Variants in CSMD1 observed in about 807,000 individuals in gnomAD.
CSMD1 encodes CUB and sushi domain-containing protein 1.
A neutral mutation model predicts 417.5 loss-of-function variants in CSMD1; 213 were observed. The ratio of observed to expected loss-of-function variants is 0.51; its 90% confidence interval spans 0.46 to 0.57. The LOEUF (loss-of-function observed/expected upper bound fraction) is 0.57. Among genes scored for constraint, CSMD1 ranks in the 20% least tolerant of loss-of-function variants. CSMD1 has a pLI of 0.00. For synonymous variants in CSMD1, 2,862 were observed against 1,736.8 expected (o/e 1.65, Z -16.11); for missense variants, 6,923 against 4,529.7 (o/e 1.53, Z -15.17).
At chr8:3,031,201 A>C (rs599269) in intron 50 of CSMD1, among the ~76,000 whole-genome samples, 34 of 151,700 alleles carry the variant, frequency 2.2e-4, no homozygotes, top group Admixed American at 6.6e-4. Context: ...TTCAAATAAA[A>C]TGCATTTAAT....
chr8:3,970,489 A>C (rs942973730), intron 5 of CSMD1, among the ~76,000 whole-genome samples: 12 of 152,192 alleles, frequency 7.9e-5, no homozygotes, highest in African/African-American at 2.7e-4. Context: ...AATTATGAGA[A>C]TGTTCACATT....
At chr8:4,635,048 C>T (rs752060712) in intron 2 of CSMD1, among the ~76,000 whole-genome samples, 4 of 152,106 alleles carry the variant, frequency 2.6e-5, no homozygotes, top group African/African-American at 7.2e-5. Context: ...AAGCAACATC[C>T]TAACTCTAAG....
At chr8:3,949,111 A>C (rs1431731254) in intron 5 of CSMD1, among the ~76,000 whole-genome samples, 1 of 152,224 alleles carries the variant, frequency 6.6e-6, no homozygotes, top group Non-Finnish European at 1.5e-5. Context: ...ATGATGTGCG[A>C]TATAATATTT....
At chr8:4,439,264 A>C (rs547711557) in intron 2 of CSMD1, among the ~76,000 whole-genome samples, 25 of 151,292 alleles carry the variant, frequency 1.7e-4, no homozygotes, top group African/African-American at 6.2e-4. Flanking sequence ...CAAATTAAAC[A>C]ACTACTAAAT....
chr8:3,434,220 G>A (rs1046334194), intron 12 of CSMD1, among the ~76,000 whole-genome samples: 1 of 152,128 alleles, frequency 6.6e-6, no homozygotes, highest in African/African-American at 2.4e-5. Context: ...CGTCCTTTCA[G>A]AATATTACCT....
chr8:4,945,211 T>C (rs4297055), intron 1 of CSMD1, among the ~76,000 whole-genome samples: 77,423 of 151,866 alleles, frequency 0.51, 20,956 homozygotes, highest in East Asian at 0.79. Flanking sequence ...TCCTTAGAGA[T>C]AGAAAGTAGA....
At chr8:4,803,508 C>G (rs1470610648) in intron 1 of CSMD1, among the ~76,000 whole-genome samples, 1 of 152,102 alleles carries the variant, frequency 6.6e-6, no homozygotes, top group Non-Finnish European at 1.5e-5. Context: ...GCCCGACATT[C>G]AACAGACCAG....
At chr8:3,882,498 C>T (rs995179183) in intron 5 of CSMD1, among the ~76,000 whole-genome samples, 1 of 152,002 alleles carries the variant, frequency 6.6e-6, no homozygotes, top group Admixed American at 6.5e-5. Context: ...CTATTAGACT[C>T]TCTCTGCCTC....
intron 3 of CSMD1, among the ~76,000 whole-genome samples, chr8:4,058,129 T>C (rs112314098): frequency 6.6e-6 from 1 of 152,148 alleles, no homozygotes; most frequent in African/African-American, 2.4e-5. Flanking sequence ...TTGGGCAGCA[T>C]GGCCATTTTC....
At chr8:4,628,843 T>G (rs746723300) in intron 2 of CSMD1, among the ~76,000 whole-genome samples, 1 of 152,132 alleles carries the variant, frequency 6.6e-6, no homozygotes. Context: ...GCTCCCACCA[T>G]CATCTAGAAA....
intron 3 of CSMD1, among the ~76,000 whole-genome samples, chr8:4,341,229 T>C (rs1800459136): frequency 6.6e-6 from 1 of 152,076 alleles, no homozygotes; most frequent in Non-Finnish European, 1.5e-5. Context: ...TACTAGCAAT[T>C]ACATAACTGT....
intron 10 of CSMD1, among the ~76,000 whole-genome samples, chr8:3,516,984 C>T (rs1463612942): frequency 6.6e-6 from 1 of 152,132 alleles, no homozygotes; most frequent in Non-Finnish European, 1.5e-5. Context: ...AGGGTGAAAA[C>T]ACAGAAAACA....
At chr8:4,909,823 G>A (rs1279408866) in intron 1 of CSMD1, among the ~76,000 whole-genome samples, 2 of 152,150 alleles carry the variant, frequency 1.3e-5, no homozygotes, top group African/African-American at 2.4e-5. Context: ...TTCATTTCCA[G>A]GTGGCAATTT....
intron 1 of CSMD1, among the ~76,000 whole-genome samples, chr8:4,934,044 G>A (rs921913186): frequency 2.6e-5 from 4 of 151,906 alleles, no homozygotes; most frequent in South Asian, 2.1e-4. Flanking sequence ...AGATAAATGT[G>A]TTCTAGCATG....
intron 3 of CSMD1, among the ~76,000 whole-genome samples, chr8:4,065,518 T>C (rs144808407): frequency 1.3e-3 from 195 of 152,096 alleles, no homozygotes; most frequent in Non-Finnish European, 2.5e-3. Flanking sequence ...AAAGTGAAGT[T>C]ACGGTATCAA....
At chr8:4,571,745 T>G (rs958751341) in intron 2 of CSMD1, among the ~76,000 whole-genome samples, 1 of 152,176 alleles carries the variant, frequency 6.6e-6, no homozygotes, top group South Asian at 2.1e-4. Context: ...TCTCCCACTA[T>G]TATTGTGTGG....
intron 3 of CSMD1, among the ~76,000 whole-genome samples, chr8:4,328,146 A>C (rs1428831522): frequency 6.6e-6 from 1 of 152,076 alleles, no homozygotes; most frequent in Admixed American, 6.6e-5. Context: ...ATACTCAAAG[A>C]TGTTAAATGC....
intron 1 of CSMD1, among the ~76,000 whole-genome samples, chr8:4,991,712 G>A (rs1584959984): frequency 6.6e-6 from 1 of 152,144 alleles, no homozygotes; most frequent in Non-Finnish European, 1.5e-5. Context: ...GCCCGACCTT[G>A]GTCACCCGGG....
At chr8:3,415,958 A>T (rs1813119179) in intron 12 of CSMD1, among the ~76,000 whole-genome samples, 1 of 152,184 alleles carries the variant, frequency 6.6e-6, no homozygotes, top group South Asian at 2.1e-4. Flanking sequence ...ACTTACAATG[A>T]GTAGCCACTA....
Sources: gnomAD v4.1 joint callset for allele counts (sites outside exome capture counted in the v4.1 genomes callset) on GRCh38, gnomAD v4.1.1 for gene constraint, MANE v1.5 for transcripts, NCBI Gene and HGNC (gene_info 2026-07-23, HGNC 2026-07-21) for gene names.